PDE3A: variants seen among roughly 807,000 people sequenced by gnomAD.
PDE3A encodes the protein cGMP-inhibited 3',5'-cyclic phosphodiesterase 3A.
Under a neutral mutation model 98.3 loss-of-function variants are expected in PDE3A, and 43 were observed. The observed-to-expected ratio is 0.44, with a 90% CI of 0.34 to 0.56. The LOEUF (loss-of-function observed/expected upper bound fraction) is 0.56. Ranked by LOEUF, PDE3A falls within the 20% of genes least tolerant of loss-of-function variation. PDE3A has a pLI of 0.01. For synonymous variants in PDE3A, 663 were observed against 567.9 expected (o/e 1.17, Z -2.38); for missense variants, 1,427 against 1,440.7 (o/e 0.99, Z 0.15).
At chr12:20,525,819 G>T (rs185764036) in intron 1 of PDE3A, among the ~76,000 whole-genome samples, 161 of 152,212 alleles carry the variant, frequency 1.1e-3, no homozygotes, top group Admixed American at 4.3e-3. Flanking sequence ...TAAGAGAAAA[G>T]TTGACAAAAT....
At chr12:20,472,088 G>A (rs1945449486) in intron 1 of PDE3A, among the ~76,000 whole-genome samples, 1 of 152,100 alleles carries the variant, frequency 6.6e-6, no homozygotes, top group Non-Finnish European at 1.5e-5. Flanking sequence ...TTGAATGTAT[G>A]TTGACATGAC....
intron 15 of PDE3A, among the ~76,000 whole-genome samples, chr12:20,667,760 T>A (rs919444228): frequency 6.6e-6 from 1 of 152,204 alleles, no homozygotes; most frequent in Non-Finnish European, 1.5e-5. Context: ...AGCTCTTTTT[T>A]GGTTCCATAG....
Position 20,616,280 on chromosome 12 carries a change from T to C in PDE3A, c.1320T>C (p.Thr440=), listed in dbSNP as rs200897078. ...PPGLLRRVSS[T]WTTTTSATGL... is the part of the protein sequence containing the mutation. ...GCTTGTTGAGACGAGTTTCTTCCACTTGGACCACCACCACCTCGGCCACAG... is the reference window on the plus strand; with the variant it reads ...GCTTGTTGAGACGAGTTTCTTCCACCTGGACCACCACCACCTCGGCCACAG... Residue 440 remains threonine, a synonymous_variant, in exon 4 of 16, where the codon ACT becomes ACC. Transcript: ENST00000359062. 7.9e-5 allele frequency: 128 copies of C among 1,613,980 alleles called. No homozygotes were observed. The East Asian group carries it at 2.8e-3, about 35-fold the overall frequency.
intron 1 of PDE3A, among the ~76,000 whole-genome samples, chr12:20,421,387 G>A (rs957507160): frequency 6.6e-6 from 1 of 152,028 alleles, no homozygotes; most frequent in Non-Finnish European, 1.5e-5. Flanking sequence ...GTCTTTATCG[G>A]ACTTAAATCT....
At chr12:20,643,048 G>A (rs1017314326) in intron 10 of PDE3A, among the ~76,000 whole-genome samples, 3 of 152,116 alleles carry the variant, frequency 2.0e-5, no homozygotes, top group East Asian at 1.9e-4. Flanking sequence ...GTATCAAGAC[G>A]GAAGAGGGAG....
intron 2 of PDE3A, 153 bp downstream of exon 2, chr12:20,556,863 CTG>C: frequency 2.9e-6 from 2 of 678,654 alleles, no homozygotes; most frequent in Non-Finnish European, 2.6e-6. Context: ...TAATTAAAGT[CTG>C]GATTTCAAAT....
intron 2 of PDE3A, among the ~76,000 whole-genome samples, chr12:20,600,925 A>G (rs1406433970): frequency 6.6e-6 from 1 of 152,190 alleles, no homozygotes; most frequent in African/African-American, 2.4e-5. Context: ...CTTTTAAGGT[A>G]CAGAATTGGA....
At chr12:20,517,110 A>G (rs1023813647) in intron 1 of PDE3A, among the ~76,000 whole-genome samples, 3 of 152,178 alleles carry the variant, frequency 2.0e-5, no homozygotes, top group African/African-American at 4.8e-5. Flanking sequence ...GTGTTCTTCT[A>G]TTTCATACTT....
intron 1 of PDE3A, among the ~76,000 whole-genome samples, chr12:20,554,209 G>C (rs1942301074): frequency 6.6e-6 from 1 of 151,086 alleles, no homozygotes; most frequent in Admixed American, 6.6e-5. Context: ...ACAAACTGGA[G>C]CAATGTTATT....
At chr12:20,554,616 T>C (rs192222136) in intron 1 of PDE3A, among the ~76,000 whole-genome samples, 1 of 151,890 alleles carries the variant, frequency 6.6e-6, no homozygotes, top group Admixed American at 6.6e-5. Flanking sequence ...AGACAGGGTG[T>C]CACTCTGTCA....
intron 1 of PDE3A, among the ~76,000 whole-genome samples, chr12:20,488,889 A>T (rs1945778513): frequency 6.6e-6 from 1 of 151,878 alleles, no homozygotes; most frequent in Non-Finnish European, 1.5e-5. Flanking sequence ...CAAAAAAAAA[A>T]AAAAAAGAGA....
intron 2 of PDE3A, among the ~76,000 whole-genome samples, chr12:20,570,657 C>A (rs1025286601): frequency 6.6e-5 from 10 of 152,124 alleles, no homozygotes; most frequent in Admixed American, 4.6e-4. Context: ...GATGAGCCAA[C>A]TTCGTAAGCA....
intron 1 of PDE3A, among the ~76,000 whole-genome samples, chr12:20,544,429 G>T (rs1011234733): frequency 2.0e-5 from 3 of 151,676 alleles, no homozygotes; most frequent in Admixed American, 1.3e-4. Flanking sequence ...ACATTTTTCT[G>T]TTATTTCACT....
chr12:20,554,087 T>C (rs1469970131), intron 1 of PDE3A, among the ~76,000 whole-genome samples: 1 of 134,210 alleles, frequency 7.5e-6, no homozygotes, highest in Non-Finnish European at 1.7e-5. Context: ...GGTTTGGTTG[T>C]TTTTGTTTTT....
intron 1 of PDE3A, among the ~76,000 whole-genome samples, chr12:20,433,121 C>T (rs546632257): frequency 5.8e-4 from 88 of 152,188 alleles, no homozygotes; most frequent in Non-Finnish European, 1.1e-3. Flanking sequence ...CAGCAGCCTC[C>T]AAAAATCCTC....
Position 20,457,107 on chromosome 12 carries a change from C to T in PDE3A, c.960+86863C>T, listed in dbSNP as rs1195910029. On this transcript the variant is annotated intron_variant, in intron 1 of 15. Transcript: ENST00000359062. ...AAAACAAACAAAACCTGACAATTCA[C>T]GTAGCAAGAAAATTTCAAGCAAAAT... Among the ~76,000 whole-genome samples, 5 of 152,048 alleles carry T rather than the reference C, an allele frequency of 3.3e-5. No homozygotes were observed. In the South Asian group the frequency reaches 1.0e-3, roughly 32 times the overall value.
chr12:20,494,331 A>G (rs1945880264), intron 1 of PDE3A, among the ~76,000 whole-genome samples: 1 of 152,196 alleles, frequency 6.6e-6, no homozygotes, highest in Non-Finnish European at 1.5e-5. Context: ...TGATACCACC[A>G]TATGCCCTGC....
At chr12:20,482,700 C>CTGTCT (rs551462228) in intron 1 of PDE3A, among the ~76,000 whole-genome samples, 2 of 152,174 alleles carry the variant, frequency 1.3e-5, no homozygotes, top group Non-Finnish European at 2.9e-5. Flanking sequence ...CCATATGGAA[C>CTGTCT]TGTCTCTAAT....
rs1943442532 is a variant in PDE3A, at chr12:20,370,263, T to C, written c.960+19T>C. 1 of 1,496,648 alleles carries C rather than the reference T, an allele frequency of 6.7e-7. No individual in the cohort carries two copies. The highest frequency in any genetic ancestry group is 1.4e-5 in the South Asian group (1 of 71,178). 92.7% of individuals were successfully genotyped at this position (1,496,648 alleles called of 1,614,324 possible). A position where few individuals can be genotyped will look rare whatever the true frequency, so the allele number is the denominator to read the frequency against. ...GGAACAGGTAAGCACTGGCAACTCC[T>C]CTCTCGGCTCTTGGAAACTTGAAAC... On this transcript the variant is annotated intron_variant, in intron 1 of 15. Coordinates refer to ENST00000359062, the MANE Select transcript of PDE3A (RefSeq NM_000921.5).
Sources: gnomAD v4.1 joint callset for allele counts (sites outside exome capture counted in the v4.1 genomes callset) on GRCh38, gnomAD v4.1.1 for gene constraint, MANE v1.5 for transcripts, NCBI Gene and HGNC (gene_info 2026-07-23, HGNC 2026-07-21) for gene names.